NXPH1: variants seen among roughly 807,000 people sequenced by gnomAD.
NXPH1 encodes neurexophilin-1.
A neutral mutation model predicts 23.7 loss-of-function variants in NXPH1; 5 were observed. The ratio of observed to expected loss-of-function variants is 0.21; its 90% CI spans 0.11 to 0.44. NXPH1 has a LOEUF of 0.44. NXPH1 is among the 20% of genes least tolerant of loss of function. The pLI is 0.99. For synonymous variants in NXPH1, 144 were observed against 122.2 expected, an observed-to-expected ratio of 1.18 and a Z score of -1.18; for missense variants, 324 against 321.6, an observed-to-expected ratio of 1.01 and a Z score of -0.06.
In NXPH1 at chr7:8,435,881, G is replaced by C; in HGVS notation, c.54+114G>C. 1 of 1,017,748 alleles carries C rather than the reference G, an allele frequency of 9.8e-7. No individual in the cohort carries two copies. The highest frequency in any genetic ancestry group is 1.6e-6 in the Non-Finnish European group (1 of 640,226). 63.0% of individuals were successfully genotyped at this position (1,017,748 alleles called of 1,614,324 possible). The stretch of plus-strand genomic sequence containing the variant: ...CCAGTTCAGTGAGAGCAGCTTCCTA[G>C]CAGCTGTGTTGGAGCAACTTTGGCA... On this transcript the variant is annotated intron_variant, in intron 2 of 2. Transcript: ENST00000405863. The surrounding 1 kb of genome is among the most constrained non-coding windows in gnomAD (Gnocchi z 5.9).
chr7:8,522,402 CTAAT>C (rs748538062), intron 2 of NXPH1, among the ~76,000 whole-genome samples: 30 of 152,174 alleles, frequency 2.0e-4, no homozygotes, highest in Admixed American at 1.3e-3. Flanking sequence ...AATGTGATGA[CTAAT>C]TATGTCCAAC....
At chr7:8,750,020 A>G (rs1017203615) in intron 2 of NXPH1, among the ~76,000 whole-genome samples, 1 of 152,212 alleles carries the variant, frequency 6.6e-6, no homozygotes, top group Non-Finnish European at 1.5e-5. Context: ...GACTCTCACA[A>G]TCCACCCTGA....
chr7:8,734,538 C>G (rs7799161), intron 2 of NXPH1, among the ~76,000 whole-genome samples: 34,588 of 152,052 alleles, frequency 0.23, 4,508 homozygotes, highest in African/African-American at 0.36. Flanking sequence ...ATTTTGTCCT[C>G]TCTTATTTCC....
At chr7:8,679,180 C>T (rs533685470) in intron 2 of NXPH1, among the ~76,000 whole-genome samples, 14 of 151,902 alleles carry the variant, frequency 9.2e-5, no homozygotes, top group Non-Finnish European at 1.9e-4. Flanking sequence ...ATCTCCTGAC[C>T]TCGTGATCCG....
intron 2 of NXPH1, among the ~76,000 whole-genome samples, chr7:8,684,415 T>A (rs1188956814): frequency 6.6e-6 from 1 of 152,188 alleles, no homozygotes; most frequent in Non-Finnish European, 1.5e-5. Flanking sequence ...TTGACTGTTT[T>A]CTTTCAGGCC....
intron 2 of NXPH1, among the ~76,000 whole-genome samples, chr7:8,672,808 C>G (rs570046122): frequency 6.6e-6 from 1 of 152,332 alleles, no homozygotes; most frequent in Non-Finnish European, 1.5e-5. Flanking sequence ...ACGGTTCTTT[C>G]TTATCCCACA....
intron 2 of NXPH1, among the ~76,000 whole-genome samples, chr7:8,709,777 A>G (rs975414533): frequency 1.6e-4 from 24 of 152,244 alleles, no homozygotes; most frequent in African/African-American, 4.3e-4. Flanking sequence ...AAACCAAAGT[A>G]CAATGATTTT....
intron 2 of NXPH1, among the ~76,000 whole-genome samples, chr7:8,456,178 A>G (rs909087946): frequency 2.6e-5 from 4 of 152,124 alleles, no homozygotes; most frequent in Non-Finnish European, 5.9e-5. Flanking sequence ...AAGCCACAGG[A>G]TTTTACTGCT....
At chr7:8,675,770 C>T (rs1820942666) in intron 2 of NXPH1, among the ~76,000 whole-genome samples, 1 of 152,132 alleles carries the variant, frequency 6.6e-6, no homozygotes, top group South Asian at 2.1e-4. Context: ...AAAAGGATAA[C>T]ACATGGAAAG....
chr7:8,449,864 A>G (rs978540866), intron 2 of NXPH1, among the ~76,000 whole-genome samples: 1 of 152,204 alleles, frequency 6.6e-6, no homozygotes, highest in Non-Finnish European at 1.5e-5. Context: ...TATTAGATGC[A>G]GTTTTTATTC....
At chr7:8,549,877 A>T (rs986912829) in intron 2 of NXPH1, among the ~76,000 whole-genome samples, 1 of 151,500 alleles carries the variant, frequency 6.6e-6, no homozygotes, top group Non-Finnish European at 1.5e-5. Flanking sequence ...CGTGTTTGTA[A>T]CCACTAAACT....
intron 2 of NXPH1, among the ~76,000 whole-genome samples, chr7:8,470,074 G>A (rs907852847): frequency 7.9e-5 from 12 of 152,136 alleles, no homozygotes; most frequent in South Asian, 2.1e-4. Context: ...TGACATGCAT[G>A]CACTACAGGA....
intron 2 of NXPH1, among the ~76,000 whole-genome samples, chr7:8,489,128 T>G (rs1252337961): frequency 6.6e-6 from 1 of 152,092 alleles, no homozygotes; most frequent in East Asian, 1.9e-4. Flanking sequence ...ATTGGCTGTT[T>G]CGTTGTCAGG....
chr7:8,554,134 G>T (rs1431094462), intron 2 of NXPH1, among the ~76,000 whole-genome samples: 2 of 151,398 alleles, frequency 1.3e-5, no homozygotes, highest in Non-Finnish European at 3.0e-5. Flanking sequence ...AACAAGATGT[G>T]GGACTCAGGG....
chr7:8,720,620 G>T (rs1432240166), intron 2 of NXPH1, among the ~76,000 whole-genome samples: 1 of 152,134 alleles, frequency 6.6e-6, no homozygotes, highest in Non-Finnish European at 1.5e-5. Flanking sequence ...AAAATGACAA[G>T]ATTTAATGAG....
chr7:8,726,315 A>G (rs1780051895), intron 2 of NXPH1, among the ~76,000 whole-genome samples: 1 of 140,760 alleles, frequency 7.1e-6, no homozygotes, highest in South Asian at 2.3e-4. Context: ...AATAATTTTC[A>G]TTTTTTTGTT....
intron 2 of NXPH1, among the ~76,000 whole-genome samples, chr7:8,746,501 T>C (rs1780472246): frequency 6.6e-6 from 1 of 152,196 alleles, no homozygotes; most frequent in African/African-American, 2.4e-5. Flanking sequence ...GAGCATAATT[T>C]TAGCTAACTT....
At chr7:8,466,338 T>A (rs1816786018) in intron 2 of NXPH1, among the ~76,000 whole-genome samples, 1 of 152,218 alleles carries the variant, frequency 6.6e-6, no homozygotes, top group African/African-American at 2.4e-5. Flanking sequence ...ATCAGTGATG[T>A]GCTACATCAA....
At chr7:8,486,487 T>C (rs751097299) in intron 2 of NXPH1, among the ~76,000 whole-genome samples, 5 of 152,198 alleles carry the variant, frequency 3.3e-5, no homozygotes, top group Non-Finnish European at 5.9e-5. Context: ...GGATACATTC[T>C]TCTTTTAATA....
Sources: gnomAD v4.1 joint callset for allele counts (sites outside exome capture counted in the v4.1 genomes callset) on GRCh38, gnomAD v4.1.1 for gene constraint, Gnocchi (gnomAD v3.1) non-coding constraint, MANE v1.5 for transcripts, NCBI Gene and HGNC (gene_info 2026-07-23, HGNC 2026-07-21) for gene names.